Variants in RAD50 observed in about 807,000 individuals in gnomAD.
The protein encoded by RAD50 is RAD50 double strand break repair protein.
In RAD50, 132 loss-of-function variants were observed where a neutral mutation model predicts 168.8. The observed-to-expected ratio is 0.78, with a 90% CI of 0.68 to 0.90. The LOEUF is 0.90. RAD50 is among the 40% of genes least tolerant of loss of function. The pLI, the probability that RAD50 is intolerant of heterozygous loss-of-function variation, is 0.00. For synonymous variants in RAD50, 525 were observed against 497.4 expected, an observed-to-expected ratio of 1.06 and a Z score of -0.74; for missense variants, 1,347 against 1,534.4, an observed-to-expected ratio of 0.88 and a Z score of 2.04.
chr5:132,644,720 A>G lies in RAD50; in HGVS notation c.*2356A>G, dbSNP rs1751814004. On this transcript the variant is annotated 3_prime_UTR_variant, in exon 25 of 25. Transcript: ENST00000378823. ...CAGTGTCACCCCATTACTAATAATC[A>G]TTGCTGATTTCAATATCCAAGTGAT... The G allele has an allele frequency of 6.0e-6, 1 of 165,374 alleles. No individual in the cohort carries two copies. Among genetic ancestry groups the G allele is most frequent in the South Asian group, 2.0e-4 (1 of 4,916 alleles). 10.2% of individuals were successfully genotyped at this position (165,374 alleles called of 1,614,324 possible).
chr5:132,574,845 A>G (rs1286430209), intron 2 of RAD50, among the ~76,000 whole-genome samples: 5 of 152,178 alleles, frequency 3.3e-5, no homozygotes, highest in Non-Finnish European at 7.3e-5. Context: ...AAATATAACA[A>G]AAGTCACCTT....
chr5:132,613,947 C>A (rs1468857110), intron 19 of RAD50, among the ~76,000 whole-genome samples: 2 of 152,108 alleles, frequency 1.3e-5, no homozygotes, highest in African/African-American at 4.8e-5. Flanking sequence ...ATGTTATAAG[C>A]AAACTGAGGT....
intron 11 of RAD50, 109 bp downstream of exon 11, chr5:132,592,143 CT>C: frequency 8.2e-7 from 1 of 1,216,612 alleles, no homozygotes. Context: ...TATTGATAAA[CT>C]TTAGTTCTTA....
At chr5:132,617,221 T>C (rs1407732470) in intron 20 of RAD50, among the ~76,000 whole-genome samples, 2 of 152,196 alleles carry the variant, frequency 1.3e-5, no homozygotes, top group African/African-American at 4.8e-5. Context: ...TAAAATAATA[T>C]ATTCGTGGCT....
At chr5:132,595,463 T>C in intron 12 of RAD50, 110 bp from the exon 13 acceptor site, 1 of 664,014 alleles carries the variant, frequency 1.5e-6, no homozygotes, top group Non-Finnish European at 2.4e-6. Context: ...TATAATATAT[T>C]TATAAAGCAA....
Position 132,591,947 on chromosome 5 carries a change from A to C in RAD50, c.1706A>C (p.Tyr569Ser), listed in dbSNP as rs876659148. 2 of 1,610,476 alleles carry C rather than the reference A, an allele frequency of 1.2e-6. No homozygotes were observed. Among genetic ancestry groups the C allele is most frequent in the Non-Finnish European group, 1.7e-6 (2 of 1,176,910 alleles). Residue 569 changes from tyrosine to serine, a missense_variant, in exon 11 of 25, where the codon TAT becomes TCT. Tyr to Ser is a moderately radical substitution (Grantham distance 144). Transcript: ENST00000378823. ...HSDELTSLLGYFPNKKQLEDW... is the reference protein window; with the variant it reads ...HSDELTSLLGSFPNKKQLEDW... ...GATGAATTAACCTCACTGTTGGGAT[A>C]TTTTCCCAACAAAAAACAGCTTGAA...
intron 19 of RAD50, among the ~76,000 whole-genome samples, chr5:132,612,140 TA>T (rs1385728127): frequency 1.3e-5 from 2 of 152,172 alleles, no homozygotes; most frequent in Admixed American, 1.3e-4. Context: ...GATGATCAGA[TA>T]AACAAAATGT....
chr5:132,600,874 T>C (rs1047220259), intron 13 of RAD50, among the ~76,000 whole-genome samples: 2 of 152,224 alleles, frequency 1.3e-5, no homozygotes, highest in Non-Finnish European at 2.9e-5. Flanking sequence ...ATTTAATCAT[T>C]GTGCATTGTG....
chr5:132,559,325 C>A lies in RAD50; in HGVS notation c.171C>A (p.Phe57Leu), dbSNP rs763762300. The A allele has an allele frequency of 1.9e-6, 3 of 1,608,058 alleles. No individual in the cohort carries two copies. The highest frequency in any genetic ancestry group is 1.7e-6 in the Non-Finnish European group (2 of 1,176,946). ...ECLKYICTGD[F>L]PPGTKGNTFV... ...TAAAATATATTTGTACTGGAGATTT[C>A]CCTCCTGGAACCAAAGGAAATACAT... The change falls in exon 2 of 25, where the codon TTC becomes TTA. Residue 57 changes from phenylalanine to leucine, a missense_variant. By Grantham distance (22) the Phe-to-Leu change is conservative. Around this residue, in one of 3 missense-constraint regions of RAD50, gnomAD observed 703 missense variants for 767.7 expected, o/e 0.92. Transcript: ENST00000378823.
At chr5:132,567,366 T>C (rs2149833781) in intron 2 of RAD50, among the ~76,000 whole-genome samples, 1 of 152,294 alleles carries the variant, frequency 6.6e-6, no homozygotes, top group African/African-American at 2.4e-5. Context: ...ACATAAAAGG[T>C]GATTCTGCAT....
chr5:132,634,293 G>T (rs191456364), intron 21 of RAD50, among the ~76,000 whole-genome samples: 110 of 151,950 alleles, frequency 7.2e-4, no homozygotes, highest in Non-Finnish European at 7.4e-5. Context: ...CCTTTTGTTA[G>T]ACTTATTCCT....
At chr5:132,609,577 A>G (rs1459797048) in intron 19 of RAD50, among the ~76,000 whole-genome samples, 181 bp downstream of exon 19, 1 of 152,118 alleles carries the variant, frequency 6.6e-6, no homozygotes, top group African/African-American at 2.4e-5. Context: ...AGGCCAGGAG[A>G]TCAAGACCAG....
At chr5:132,564,252 C>G (rs1750171105) in intron 2 of RAD50, among the ~76,000 whole-genome samples, 1 of 152,174 alleles carries the variant, frequency 6.6e-6, no homozygotes, top group East Asian at 1.9e-4. Flanking sequence ...TTCCTAGAGA[C>G]TTGTTAAATT....
chr5:132,577,054 G>A (rs1580985705), intron 3 of RAD50, among the ~76,000 whole-genome samples: 1 of 152,304 alleles, frequency 6.6e-6, no homozygotes, highest in Middle Eastern at 3.4e-3. Flanking sequence ...TTACACTTAT[G>A]TAGTTTAGAA....
intron 2 of RAD50, among the ~76,000 whole-genome samples, 162 bp downstream of exon 2, chr5:132,559,529 T>G (rs1240638934): frequency 6.6e-6 from 1 of 152,222 alleles, no homozygotes. Context: ...TGTGTTTTCC[T>G]CCTCCTTTAA....
Position 132,591,875 on chromosome 5 carries a change from A to G in RAD50, c.1636-2A>G, listed in dbSNP as rs1554098466. 8.2e-6 allele frequency: 13 copies of G among 1,589,196 alleles called. No homozygotes were observed. Among genetic ancestry groups the G allele is most frequent in the Non-Finnish European group, 1.1e-5 (13 of 1,159,546 alleles). Reference sequence around the variant, plus strand: ...TTTAAAAGATTTTTTTTTTACCTATAGGCTGACAAAGATGAACAAATCAGA... The same window carrying G: ...TTTAAAAGATTTTTTTTTTACCTATGGGCTGACAAAGATGAACAAATCAGA... On this transcript the variant is annotated splice_acceptor_variant, in intron 10 of 24. Coordinates refer to ENST00000378823, the MANE Select transcript of RAD50 (RefSeq NM_005732.4). LOFTEE classifies it high-confidence loss of function.
chr5:132,579,084 A>C lies in RAD50; in HGVS notation c.366-233A>C, dbSNP rs531294910. Among the ~76,000 whole-genome samples the C allele has an allele frequency of 2.6e-5, 4 of 152,332 alleles. No homozygotes were observed. In the East Asian group the frequency reaches 5.8e-4, roughly 22 times the overall value. ...TATTTAAAAGTCCAAATATGTAAAAAATAAATTCTGGCTTCCTTTCCTGAA... is the reference window on the plus strand; with the variant it reads ...TATTTAAAAGTCCAAATATGTAAAACATAAATTCTGGCTTCCTTTCCTGAA... On this transcript the variant is annotated intron_variant, in intron 3 of 24. Coordinates refer to ENST00000378823, the MANE Select transcript of RAD50 (RefSeq NM_005732.4).
chr5:132,627,507 G>A (rs1198713249), intron 21 of RAD50, among the ~76,000 whole-genome samples: 1 of 152,176 alleles, frequency 6.6e-6, no homozygotes, highest in Non-Finnish European at 1.5e-5. Context: ...TTGATGAGAA[G>A]GGAGCAAGAT....
intron 2 of RAD50, among the ~76,000 whole-genome samples, chr5:132,574,140 C>T (rs531863297): frequency 2.6e-5 from 4 of 152,192 alleles, no homozygotes; most frequent in Non-Finnish European, 5.9e-5. Context: ...GGTTTCAACC[C>T]CACATTTCCC....
Sources: gnomAD v4.1 joint callset for allele counts (sites outside exome capture counted in the v4.1 genomes callset) on GRCh38, gnomAD v4.1.1 for gene constraint, gnomAD v4.1.1 regional missense constraint, MANE v1.5 for transcripts, NCBI Gene and HGNC (gene_info 2026-07-23, HGNC 2026-07-21) for gene names.